SCG3: variants seen among roughly 807,000 people sequenced by gnomAD.
SCG3 encodes the protein secretogranin-3.
SCG3 carries 38 observed loss-of-function variants against 56.2 expected under a neutral mutation model. The observed-to-expected ratio is 0.68, with a 90% confidence interval of 0.52 to 0.89. SCG3 has a LOEUF of 0.89. Among genes scored for constraint, SCG3 ranks in the 40% least tolerant of loss-of-function variants. The pLI is 0.00. For missense variants in SCG3, 524 were observed against 540.7 expected (o/e 0.97, Z 0.31); for synonymous variants, 176 against 184.2 (o/e 0.96, Z 0.36).
chr15:51,682,438 A>G (rs2055200728), intron 1 of SCG3, 79 bp from the exon 2 acceptor site: 7 of 695,478 alleles, frequency 1.0e-5, no homozygotes, highest in Non-Finnish European at 1.7e-5. Flanking sequence ...TTTCCTTTTT[A>G]TAAAAATTTT....
intron 10 of SCG3, among the ~76,000 whole-genome samples, chr15:51,704,280 A>ATATAT (rs2055359648): frequency 1.4e-4 from 8 of 59,204 alleles, no homozygotes; most frequent in Non-Finnish European, 1.8e-4. Context: ...TATATATATA[A>ATATAT]AATAGCTCTT....
intron 6 of SCG3, 122 bp downstream of exon 6, chr15:51,689,490 G>T (rs1168565389): frequency 8.1e-7 from 1 of 1,241,842 alleles, no homozygotes; most frequent in East Asian, 2.6e-5. Context: ...GAGGTATGTG[G>T]CATTTTTAGC....
chr15:51,692,057 C>A, intron 6 of SCG3, 102 bp from the exon 7 acceptor site: 1 of 1,110,942 alleles, frequency 9.0e-7, no homozygotes, highest in Non-Finnish European at 1.3e-6. Flanking sequence ...AGGGGGAATT[C>A]TTGCACTTCA....
intron 10 of SCG3, among the ~76,000 whole-genome samples, chr15:51,711,369 G>T (rs1343728270): frequency 2.0e-5 from 3 of 152,176 alleles, no homozygotes; most frequent in Non-Finnish European, 4.4e-5. Context: ...CGATATCAGA[G>T]AAGATAGTAG....
At chr15:51,695,802 TG>T (rs2055299461) in intron 7 of SCG3, 72 bp from the exon 8 acceptor site, 1 of 829,704 alleles carries the variant, frequency 1.2e-6, no homozygotes, top group Non-Finnish European at 2.0e-6. Context: ...AAAAAGATGC[TG>T]TACTTTATAA....
intron 10 of SCG3, among the ~76,000 whole-genome samples, chr15:51,712,888 C>T (rs753471548): frequency 1.1e-4 from 17 of 152,304 alleles, no homozygotes; most frequent in Admixed American, 5.9e-4. Flanking sequence ...CACATTTGGA[C>T]TTTTAACTGA....
At position 51,683,407 on chromosome 15, in the gene SCG3, A is replaced by T. The variant is rs757573989; in HGVS notation, c.370A>T (p.Lys124Ter). ...RKLIDDYDSTKSGLDHKFQDD... is the reference protein window; with the variant it reads ...RKLIDDYDST ...ACTGATCGATGATTATGACTCTACT[A>T]AGAGTGGATTGGATCATAAATTTCA... The change falls in exon 4 of 12, where the codon AAG (lysine) becomes TAG (stop). Residue 124 changes from lysine to a stop codon, truncating the protein, a stop_gained. Coordinates refer to ENST00000220478, the MANE Select transcript of SCG3 (RefSeq NM_013243.4). LOFTEE classifies it high-confidence loss of function. 6.2e-7 allele frequency: 1 copy of T among 1,611,244 alleles called. No homozygotes were observed. The highest frequency in any genetic ancestry group is 8.5e-7 in the Non-Finnish European group (1 of 1,178,906).
In SCG3 at chr15:51,681,785, T is replaced by G. The variant is rs1001073222; in HGVS notation, c.30T>G (p.Ile10Met). MGFLGTGTW[I>M]LVLVLPIQAF... ...GGTTCCTCGGGACCGGCACTTGGAT[T>G]CTGGTGTTAGTGCTCCCGATTCAAG... The change falls in exon 1 of 12, where the codon ATT becomes ATG. Residue 10 changes from isoleucine to methionine, a missense_variant. Ile to Met is a conservative substitution (Grantham distance 10). Coordinates refer to ENST00000220478, the MANE Select transcript of SCG3 (RefSeq NM_013243.4). The G allele has an allele frequency of 6.2e-7, 1 of 1,614,136 alleles. No homozygotes were observed. Among genetic ancestry groups the G allele is most frequent in the African/African-American group, 1.3e-5 (1 of 75,040 alleles).
chr15:51,695,495 G>C (rs752516508), intron 7 of SCG3: 3 of 154,076 alleles, frequency 1.9e-5, no homozygotes, highest in African/African-American at 7.2e-5. Flanking sequence ...AAAAAGTTCA[G>C]TATAGCTGTA....
At chr15:51,687,596 A>C in intron 4 of SCG3, among the ~76,000 whole-genome samples, 1 of 152,214 alleles carries the variant, frequency 6.6e-6, no homozygotes, top group East Asian at 1.9e-4. Context: ...CTGTTGCCAT[A>C]TTTTAAAAGT....
chr15:51,700,302 C>G (rs2055330919), intron 9 of SCG3, among the ~76,000 whole-genome samples: 1 of 152,112 alleles, frequency 6.6e-6, no homozygotes, highest in African/African-American at 2.4e-5. Flanking sequence ...TTCTTTTCTT[C>G]CTATTTTTCT....
chr15:51,704,764 CATATATATATAT>C (rs56192434), intron 10 of SCG3, among the ~76,000 whole-genome samples: 4,538 of 67,052 alleles, frequency 0.068, 504 homozygotes, highest in African/African-American at 0.18. Flanking sequence ...GTGAGTAATA[CATATATATATAT>C]ATATATATAT....
At chr15:51,700,982 C>T (rs1416178068) in intron 9 of SCG3, 125 bp from the exon 10 acceptor site, 1 of 1,218,960 alleles carries the variant, frequency 8.2e-7, no homozygotes, top group African/African-American at 1.5e-5. Context: ...GCACTAAGAT[C>T]CCTTTCAACT....
rs755913038 is a variant in SCG3 at position 51,701,169 on chromosome 15, A to T, written c.1132A>T (p.Lys378Ter). 2 of 1,613,830 alleles carry T rather than the reference A, an allele frequency of 1.2e-6. No homozygotes were observed. The highest frequency in any genetic ancestry group is 2.7e-5 in the African/African-American group (2 of 75,018). The change falls in exon 10 of 12, where the codon AAG becomes TAG. Residue 378 changes from lysine to a stop codon, truncating the protein, a stop_gained. Coordinates refer to ENST00000220478, the MANE Select transcript of SCG3 (RefSeq NM_013243.4). LOFTEE classifies it high-confidence loss of function. Reference sequence around the variant, plus strand: ...CAAGGAAGAAGCAGCTAAGATGGAAAAGGAATATGGAAGCTTGAAGGATTC... The same window carrying T: ...CAAGGAAGAAGCAGCTAAGATGGAATAGGAATATGGAAGCTTGAAGGATTC... ...STKEEAAKME[K>*]EYGSLKDSTK...
rs780066422 is a variant in SCG3 at position 51,683,064 on chromosome 15, CT to C, written c.136-14del. On this transcript the variant is annotated splice_polypyrimidine_tract_variant and intron_variant, in intron 2 of 11. Transcript: ENST00000220478. ...AATGATTTTAAACCAAGTCTATCTCCTGTTTGCTTCACAGATTGCTGAAGCA... is the reference window on the plus strand; with the variant it reads ...AATGATTTTAAACCAAGTCTATCTCCGTTTGCTTCACAGATTGCTGAAGCA... 2 of 1,604,348 alleles carry C rather than the reference CT, an allele frequency of 1.2e-6. No homozygotes were observed. The highest frequency in any genetic ancestry group is 3.5e-5 in the Admixed American group (2 of 57,346).
At chr15:51,705,067 A>G (rs1253501879) in intron 10 of SCG3, among the ~76,000 whole-genome samples, 1 of 151,948 alleles carries the variant, frequency 6.6e-6, no homozygotes, top group African/African-American at 2.4e-5. Context: ...GCTAACCAGG[A>G]CAAGAGTGGA....
intron 8 of SCG3, 143 bp downstream of exon 8, chr15:51,696,134 T>C (rs1430169003): frequency 6.0e-6 from 4 of 661,282 alleles, no homozygotes; most frequent in African/African-American, 5.6e-5. Context: ...TTTGATAATA[T>C]ATACAAATAA....
Position 51,683,199 on chromosome 15 carries a change from G to C in SCG3, c.182-20G>C, listed in dbSNP as rs771756698. ...ATCTGAACTAAAATGGCTGTGTTGG[G>C]TTTGGGGCTATTCTTCCAGAAAACA... On this transcript the variant is annotated intron_variant, in intron 3 of 11. Coordinates refer to ENST00000220478, the MANE Select transcript of SCG3 (RefSeq NM_013243.4). The C allele has an allele frequency of 2.3e-5, 37 of 1,609,902 alleles. No individual in the cohort carries two copies. Among genetic ancestry groups the C allele is most frequent in the Admixed American group, 1.7e-5 (1 of 59,684 alleles).
intron 10 of SCG3, among the ~76,000 whole-genome samples, chr15:51,703,860 T>C (rs568520074): frequency 6.6e-6 from 1 of 152,298 alleles, no homozygotes; most frequent in South Asian, 2.1e-4. Context: ...TCCTTTTCTC[T>C]AGCATGGATT....
Sources: gnomAD v4.1 joint callset for allele counts (sites outside exome capture counted in the v4.1 genomes callset) on GRCh38, gnomAD v4.1.1 for gene constraint, MANE v1.5 for transcripts, NCBI Gene and HGNC (gene_info 2026-07-23, HGNC 2026-07-21) for gene names.